Variants in WIPI1 observed in about 807,000 individuals in gnomAD.
WIPI1 encodes WD repeat domain, phosphoinositide interacting 1.
A neutral mutation model predicts 55.3 loss-of-function variants in WIPI1; 45 were observed. The ratio of observed to expected loss-of-function variants is 0.81; its 90% confidence interval spans 0.64 to 1.04. The LOEUF (loss-of-function observed/expected upper bound fraction) is 1.04. Among genes scored for constraint, WIPI1 ranks in the 50% least tolerant of loss-of-function variants. WIPI1 has a pLI of 0.00. For missense variants in WIPI1, 445 were observed against 559.0 expected, an observed-to-expected ratio of 0.80 and a Z score of 2.06; for synonymous variants, 195 against 217.6, an observed-to-expected ratio of 0.90 and a Z score of 0.92.
In WIPI1 at chr17:68,444,496, T is replaced by C. The variant is rs1373555973; in HGVS notation, c.427A>G (p.Thr143Ala). 6.2e-7 allele frequency: 1 copy of C among 1,613,124 alleles called. No individual in the cohort carries two copies. Among genetic ancestry groups the C allele is most frequent in the Non-Finnish European group, 8.5e-7 (1 of 1,179,648 alleles). The part of the protein sequence containing the change: ...KTLLDIPANP[T>A]GLCALSINHS... ...TTGTTCCATTTTTGGAGCTCACCTG[T>C]TGGGTTTGCAGGAATATCCAGGAGG... The change falls in exon 4 of 13, where the codon ACA becomes GCA. Residue 143 changes from threonine (T) to alanine (A), a missense_variant. Thr to Ala is a moderately conservative substitution (Grantham distance 58, BLOSUM62 0). Transcript: ENST00000262139.
At chr17:68,436,591 G>A (rs1377301235) in intron 4 of WIPI1, 112 bp from the exon 5 acceptor site, 8 of 948,626 alleles carry the variant, frequency 8.4e-6, no homozygotes, top group Middle Eastern at 2.2e-4. Context: ...GGCAAGGGGA[G>A]GAATGGCTTT....
At position 68,421,374 on chromosome 17, in the gene WIPI1, C is replaced by CTTAA. The variant is rs2082759765; in HGVS notation, c.*398_*399insTTAA. 5.9e-6 allele frequency: 1 copy of CTTAA among 170,362 alleles called. No individual in the cohort carries two copies. The highest frequency in any genetic ancestry group is 2.4e-5 in the African/African-American group (1 of 42,130). 10.6% of individuals were successfully genotyped at this position (170,362 alleles called of 1,614,324 possible). A position where few individuals can be genotyped will look rare whatever the true frequency, so the allele number is the denominator to read the frequency against. ...CACAGCCAAAAAAGACTTTGCCTGG[C>CTTAA]TAAAAGAGTCTCTCTCTAAGTATGT... On this transcript the variant is annotated 3_prime_UTR_variant, in exon 13 of 13. Coordinates refer to ENST00000262139, the MANE Select transcript of WIPI1 (RefSeq NM_017983.7).
At chr17:68,448,384 T>G (rs553902239) in intron 3 of WIPI1, 9 of 152,238 alleles carry the variant, frequency 5.9e-5, no homozygotes, top group Admixed American at 2.0e-4. Context: ...GAACCGATGC[T>G]CATCTTGGTT....
intron 7 of WIPI1, 56 bp downstream of exon 7, chr17:68,434,500 G>T: frequency 6.3e-6 from 10 of 1,578,034 alleles, no homozygotes; most frequent in South Asian, 1.1e-5. Context: ...AGCTGCCAGC[G>T]GTCCCTGCGG....
At chr17:68,456,440 G>T (rs913909909) in intron 1 of WIPI1, among the ~76,000 whole-genome samples, 3 of 152,116 alleles carry the variant, frequency 2.0e-5, no homozygotes, top group African/African-American at 7.2e-5. Context: ...TGATGCTCAG[G>T]GTGCACATTC....
chr17:68,456,076 CATG>C (rs1447810021), intron 1 of WIPI1, among the ~76,000 whole-genome samples: 1 of 152,118 alleles, frequency 6.6e-6, no homozygotes, highest in African/African-American at 2.4e-5. Flanking sequence ...GAAAATTGCA[CATG>C]ATATTTTGTG....
chr17:68,452,665 T>C (rs1447562936), intron 2 of WIPI1, among the ~76,000 whole-genome samples: 2 of 152,230 alleles, frequency 1.3e-5, no homozygotes, highest in Non-Finnish European at 2.9e-5. Context: ...CTCAATAATA[T>C]GATTTCACAC....
chr17:68,454,251 C>A (rs189827198), intron 1 of WIPI1, among the ~76,000 whole-genome samples: 59 of 152,272 alleles, frequency 3.9e-4, no homozygotes, highest in Admixed American at 2.9e-3. Flanking sequence ...AGAATCTGAC[C>A]CGGAGCACAC....
chr17:68,452,393 C>T (rs1419476905), intron 2 of WIPI1, among the ~76,000 whole-genome samples: 1 of 152,088 alleles, frequency 6.6e-6, no homozygotes, highest in Non-Finnish European at 1.5e-5. Context: ...GGTGAAACCC[C>T]GTCTCTACTA....
At chr17:68,456,936 A>G (rs922752657) in intron 1 of WIPI1, among the ~76,000 whole-genome samples, 74 of 152,242 alleles carry the variant, frequency 4.9e-4, no homozygotes, top group Admixed American at 7.8e-4. Flanking sequence ...CCAACTACAG[A>G]GTCCTGGGTC....
At chr17:68,438,207 A>C (rs552138571) in intron 4 of WIPI1, among the ~76,000 whole-genome samples, 1 of 152,028 alleles carries the variant, frequency 6.6e-6, no homozygotes, top group South Asian at 2.1e-4. Flanking sequence ...TACGGGAGGA[A>C]GTGGCTGAGC....
At chr17:68,450,489 C>A (rs1458275065) in intron 3 of WIPI1, among the ~76,000 whole-genome samples, 2 of 152,346 alleles carry the variant, frequency 1.3e-5, no homozygotes, top group East Asian at 3.9e-4. Context: ...AGGGTGCAGC[C>A]TACCAGTCAG....
chr17:68,430,761 CTG>C (rs780994900), intron 8 of WIPI1, among the ~76,000 whole-genome samples: 7 of 152,160 alleles, frequency 4.6e-5, no homozygotes, highest in Non-Finnish European at 7.3e-5. Context: ...AAGGGGGTGA[CTG>C]TTCTGTTGGT....
At position 68,435,601 on chromosome 17, in the gene WIPI1, T is replaced by C. The variant is rs368821170; in HGVS notation, c.621+19A>G. On this transcript the variant is annotated intron_variant, in intron 6 of 12. Transcript: ENST00000262139. The stretch of plus-strand genomic sequence containing the variant: ...ATCCAGCGAAACCCAGACAGAGGTG[T>C]TGGTGGGAGTGGACTCACTTTTTCA... The C allele has an allele frequency of 1.6e-5, 25 of 1,612,652 alleles. No individual in the cohort carries two copies. In the African/African-American group the frequency reaches 2.0e-4, roughly 13 times the overall value.
chr17:68,428,626 C>G (rs1182494834), intron 10 of WIPI1: 1 of 533,056 alleles, frequency 1.9e-6, no homozygotes, highest in Non-Finnish European at 3.4e-6. Flanking sequence ...TTAATCCTGG[C>G]ACTTTTCCAG....
intron 8 of WIPI1, among the ~76,000 whole-genome samples, chr17:68,432,359 A>G (rs1184756130): frequency 6.6e-6 from 1 of 152,220 alleles, no homozygotes; most frequent in Non-Finnish European, 1.5e-5. Flanking sequence ...TGGTGGCAGA[A>G]AAAGATGGCA....
chr17:68,439,385 G>A (rs187615024), intron 4 of WIPI1, among the ~76,000 whole-genome samples: 7 of 152,270 alleles, frequency 4.6e-5, no homozygotes, highest in East Asian at 3.9e-4. Flanking sequence ...CAAAGGAACC[G>A]ATATTGTATG....
At chr17:68,431,481 CAG>C (rs754900009) in intron 8 of WIPI1, among the ~76,000 whole-genome samples, 12 of 151,978 alleles carry the variant, frequency 7.9e-5, no homozygotes, top group African/African-American at 2.2e-4. Flanking sequence ...AGGTCTGACT[CAG>C]GGGGACGGGA....
chr17:68,425,382 CTTT>C (rs112331284), intron 12 of WIPI1, among the ~76,000 whole-genome samples: 28,584 of 132,190 alleles, frequency 0.22, 3,001 homozygotes, highest in Middle Eastern at 0.3. Context: ...TTTTTCTTTT[CTTT>C]TTTTTTTTTT....
Sources: allele counts gnomAD v4.1 joint callset (sites outside exome capture counted in the v4.1 genomes callset), GRCh38; gene constraint gnomAD v4.1.1; transcripts MANE v1.5; gene names NCBI Gene and HGNC (gene_info 2026-07-23, HGNC 2026-07-21).